The following TANC2 variants were observed in gnomAD, a reference collection of about 807,000 sequenced individuals.
TANC2 encodes protein TANC2.
A neutral mutation model predicts 210.5 loss-of-function variants in TANC2; 26 were observed. The ratio of observed to expected loss-of-function variants is 0.12; its 90% confidence interval spans 0.09 to 0.17. The LOEUF (loss-of-function observed/expected upper bound fraction) is 0.17, where lower values mean the gene tolerates loss of function less well. Among genes scored for constraint, TANC2 ranks in the 10% least tolerant of loss-of-function variants. The pLI is 1.00. For missense variants in TANC2, 2,129 were observed against 2,608.9 expected, an observed-to-expected ratio of 0.82 and a Z score of 4.01; for synonymous variants, 931 against 967.1, an observed-to-expected ratio of 0.96 and a Z score of 0.69.
intron 25 of TANC2, among the ~76,000 whole-genome samples, chr17:63,415,186 T>C (rs1374397840): frequency 1.3e-5 from 2 of 152,182 alleles, no homozygotes; most frequent in African/African-American, 4.8e-5. Flanking sequence ...GGAAGTCATA[T>C]GTGTTATAGA....
At chr17:63,157,969 A>G (rs1312601169) in intron 5 of TANC2, among the ~76,000 whole-genome samples, 2 of 152,192 alleles carry the variant, frequency 1.3e-5, no homozygotes. Context: ...ATTGTAGGTA[A>G]AGTTATATCT....
rs74812658 is a variant in TANC2 at position 63,004,164 on chromosome 17, C to T, written c.-23-5373C>T. Reference sequence around the variant, plus strand: ...CTTTTCATGAGCCAGCCCTGACTTTCAGGTAGCGAAATGAAAATGGCAAAA... The same window carrying T: ...CTTTTCATGAGCCAGCCCTGACTTTTAGGTAGCGAAATGAAAATGGCAAAA... On this transcript the variant is annotated intron_variant, in intron 1 of 27. Transcript: ENST00000689528. 6.2e-3 allele frequency among the ~76,000 whole-genome samples: 938 copies of T among 152,270 alleles called. 3 individuals carry two copies. The highest frequency in any genetic ancestry group is 0.01 in the Non-Finnish European group (694 of 68,014).
intron 5 of TANC2, among the ~76,000 whole-genome samples, chr17:63,174,567 C>T (rs1253966211): frequency 6.6e-6 from 1 of 152,168 alleles, no homozygotes; most frequent in East Asian, 1.9e-4. Context: ...ATTATTTCTA[C>T]CAAATTTGGT....
In TANC2 at chr17:63,179,107, CAG is replaced by C. The variant is rs745812397; in HGVS notation, c.434-14881_434-14880del. On this transcript the variant is annotated intron_variant, in intron 5 of 27. Coordinates refer to ENST00000689528, the Ensembl canonical transcript of TANC2. The stretch of plus-strand genomic sequence containing the variant: ...GAGGGGGCCTGTATTATATTTATCA[CAG>C]AGTTTAATTTACTGTGATTTAATTA... 3.9e-5 allele frequency among the ~76,000 whole-genome samples: 6 copies of C among 152,292 alleles called. No homozygotes were observed. In the East Asian group the frequency reaches 7.7e-4, roughly 20 times the overall value.
At chr17:63,087,399 C>A (rs555823113) in intron 3 of TANC2, among the ~76,000 whole-genome samples, 9 of 152,208 alleles carry the variant, frequency 5.9e-5, no homozygotes, top group Admixed American at 3.3e-4. Flanking sequence ...ATGAACTTTA[C>A]CAGTGCTTCT....
At chr17:62,978,048 A>G (rs757968870) in intron 1 of TANC2, among the ~76,000 whole-genome samples, 1 of 152,192 alleles carries the variant, frequency 6.6e-6, no homozygotes, top group Non-Finnish European at 1.5e-5. Context: ...AAGCTGAATA[A>G]TATTTTATAG....
intron 5 of TANC2, chr17:63,155,078 T>A (rs1377887776): frequency 2.0e-5 from 3 of 151,992 alleles, no homozygotes; most frequent in Non-Finnish European, 4.4e-5. Context: ...GCATTACAGG[T>A]GGTTTTAATT....
At chr17:63,111,901 T>A (rs549527913) in intron 4 of TANC2, among the ~76,000 whole-genome samples, 1 of 152,158 alleles carries the variant, frequency 6.6e-6, no homozygotes, top group African/African-American at 2.4e-5. Context: ...AATTTTTGTA[T>A]TTTTAGTAGA....
chr17:62,998,622 T>G (rs1380910707), intron 1 of TANC2, among the ~76,000 whole-genome samples: 1 of 152,118 alleles, frequency 6.6e-6, no homozygotes, highest in Non-Finnish European at 1.5e-5. Context: ...GAAAAGAAAT[T>G]CTAACCAAAC....
At chr17:63,032,187 G>C (rs182996232) in intron 2 of TANC2, among the ~76,000 whole-genome samples, 1 of 152,228 alleles carries the variant, frequency 6.6e-6, no homozygotes, top group East Asian at 1.9e-4. Flanking sequence ...GTATGTTATA[G>C]TCCAGGCACC....
intron 11 of TANC2, among the ~76,000 whole-genome samples, chr17:63,332,770 T>G (rs1167553578): frequency 6.6e-6 from 1 of 152,170 alleles, no homozygotes; most frequent in African/African-American, 2.4e-5. Flanking sequence ...CTGACACTCT[T>G]GTTAGGGACT....
chr17:63,140,977 T>TGA (rs1332500499), intron 4 of TANC2, among the ~76,000 whole-genome samples: 1 of 151,748 alleles, frequency 6.6e-6, no homozygotes, highest in African/African-American at 2.4e-5. Context: ...CTTGAACTCC[T>TGA]GACCTCAAGT....
chr17:63,018,526 C>CA (rs946067374), intron 2 of TANC2, among the ~76,000 whole-genome samples: 4 of 149,800 alleles, frequency 2.7e-5, no homozygotes, highest in Non-Finnish European at 4.5e-5. Flanking sequence ...AAAAATAAAA[C>CA]AAAAAAAGGA....
At chr17:63,413,663 C>T (rs776945790) in intron 25 of TANC2, 29 bp downstream of exon 25, 62 of 1,545,492 alleles carry the variant, frequency 4.0e-5, no homozygotes, top group Non-Finnish European at 5.1e-5. Context: ...ACAGTTTCTT[C>T]AGAACAGCCA....
chr17:63,028,364 T>C lies in TANC2; in HGVS notation c.67+18738T>C, dbSNP rs1229378253. On this transcript the variant is annotated intron_variant, in intron 2 of 27. Coordinates refer to ENST00000689528, the Ensembl canonical transcript of TANC2. The stretch of plus-strand genomic sequence containing the variant: ...ATTAAATTGACATAAGACAGATTAA[T>C]AGAGGAAAAGCATACAGATTTTTAC... 2.0e-5 allele frequency among the ~76,000 whole-genome samples: 3 copies of C among 152,122 alleles called. No individual in the cohort carries two copies. The East Asian group carries it at 5.8e-4, about 29-fold the overall frequency.
intron 13 of TANC2, among the ~76,000 whole-genome samples, chr17:63,352,384 T>C (rs1181702446): frequency 2.6e-5 from 4 of 152,144 alleles, no homozygotes; most frequent in Non-Finnish European, 4.4e-5. Context: ...TTTCTAATCC[T>C]GGCCACCACC....
intron 21 of TANC2, among the ~76,000 whole-genome samples, chr17:63,408,726 T>TA (rs1236168209): frequency 1.3e-5 from 2 of 152,206 alleles, no homozygotes; most frequent in East Asian, 3.9e-4. Context: ...GCAAAGGTGA[T>TA]AGGCTAGATA....
intron 9 of TANC2, among the ~76,000 whole-genome samples, chr17:63,271,539 A>G (rs1480284699): frequency 6.7e-6 from 1 of 150,078 alleles, no homozygotes; most frequent in Non-Finnish European, 1.5e-5. Context: ...TGCTGCACCT[A>G]TCTACCCGTC....
At chr17:63,294,322 C>A (rs1426442404) in intron 9 of TANC2, among the ~76,000 whole-genome samples, 1 of 152,022 alleles carries the variant, frequency 6.6e-6, no homozygotes, top group Non-Finnish European at 1.5e-5. Flanking sequence ...CAAAGAAATA[C>A]AAAAATTAGC....
Sources: gnomAD v4.1 joint callset for allele counts (sites outside exome capture counted in the v4.1 genomes callset) on GRCh38, gnomAD v4.1.1 for gene constraint, MANE v1.5 for transcripts, NCBI Gene and HGNC (gene_info 2026-07-23, HGNC 2026-07-21) for gene names.